The following ADGRL2 variants were observed in gnomAD, a reference collection of about 807,000 sequenced individuals.
The protein encoded by ADGRL2 is calcium-independent alpha-latrotoxin receptor 2.
In ADGRL2, 44 loss-of-function variants were observed where a neutral mutation model predicts 157.4. The ratio of observed to expected loss-of-function variants is 0.28; its 90% confidence interval spans 0.22 to 0.36. ADGRL2 has a LOEUF of 0.36. ADGRL2 is among the 10% of genes least tolerant of loss of function. The pLI, the probability that ADGRL2 is intolerant of heterozygous loss-of-function variation, is 1.00. For missense variants in ADGRL2, 1,510 were observed against 1,768.9 expected (o/e 0.85, Z 2.63); for synonymous variants, 585 against 624.7 (o/e 0.94, Z 0.95).
intron 3 of ADGRL2, 76 bp downstream of exon 3, chr1:81,907,306 C>T (rs947528311): frequency 3.2e-6 from 4 of 1,253,656 alleles, no homozygotes; most frequent in South Asian, 1.2e-5. Context: ...TATTCCAAAG[C>T]GAATGGATAT....
chr1:81,863,368 A>G (rs2093443061), intron 2 of ADGRL2, among the ~76,000 whole-genome samples: 1 of 152,188 alleles, frequency 6.6e-6, no homozygotes, highest in African/African-American at 2.4e-5. Context: ...TGCCTCCTAA[A>G]TACTGCATAA....
chr1:81,417,458 T>A (rs1342206354), intron 1 of ADGRL2, among the ~76,000 whole-genome samples: 1 of 152,188 alleles, frequency 6.6e-6, no homozygotes, highest in Non-Finnish European at 1.5e-5. Context: ...TTTTCATGAT[T>A]TTAGAGAATA....
intron 3 of ADGRL2, among the ~76,000 whole-genome samples, chr1:81,646,142 T>C (rs1293917359): frequency 4.6e-5 from 7 of 152,184 alleles, no homozygotes; most frequent in Non-Finnish European, 1.5e-5. Context: ...TTGTTTGTTT[T>C]CAGTGCTCTT....
chr1:81,865,232 G>A (rs1170056228), intron 2 of ADGRL2, among the ~76,000 whole-genome samples: 1 of 152,052 alleles, frequency 6.6e-6, no homozygotes, highest in African/African-American at 2.4e-5. Flanking sequence ...AGTTCTAACT[G>A]TTGACAAAGC....
At chr1:81,470,733 G>A (rs959189091) in intron 2 of ADGRL2, among the ~76,000 whole-genome samples, 2 of 152,194 alleles carry the variant, frequency 1.3e-5, no homozygotes, top group African/African-American at 4.8e-5. Context: ...AGTCCTGGAT[G>A]TAGAAACAAG....
chr1:81,905,102 T>C (rs1260391001), intron 2 of ADGRL2, among the ~76,000 whole-genome samples: 13 of 151,370 alleles, frequency 8.6e-5, no homozygotes, highest in Non-Finnish European at 1.6e-4. Context: ...TACTATACTT[T>C]TTTTTTTTTT....
intron 2 of ADGRL2, among the ~76,000 whole-genome samples, chr1:81,477,634 G>T (rs1225063550): frequency 6.6e-6 from 1 of 152,170 alleles, no homozygotes; most frequent in African/African-American, 2.4e-5. Context: ...TAGCTCTTCA[G>T]TAGTTAGTTT....
intron 11 of ADGRL2, among the ~76,000 whole-genome samples, chr1:81,957,199 A>C (rs950903539): frequency 6.8e-6 from 1 of 147,598 alleles, no homozygotes; most frequent in African/African-American, 2.5e-5. Context: ...AAAAAAAACC[A>C]CTAAAATTCC....
At chr1:81,371,170 G>A (rs1011454957) in intron 1 of ADGRL2, among the ~76,000 whole-genome samples, 2 of 152,140 alleles carry the variant, frequency 1.3e-5, no homozygotes, top group Non-Finnish European at 2.9e-5. Context: ...CATTACATTA[G>A]CCAAGGCTAC....
intron 1 of ADGRL2, among the ~76,000 whole-genome samples, chr1:81,742,209 G>A (rs919386268): frequency 6.6e-6 from 1 of 151,658 alleles, no homozygotes; most frequent in African/African-American, 2.4e-5. Flanking sequence ...CTAGTTCGTT[G>A]GGCATAAAAG....
intron 1 of ADGRL2, among the ~76,000 whole-genome samples, chr1:81,425,933 C>G (rs1362572145): frequency 1.3e-5 from 2 of 152,128 alleles, no homozygotes; most frequent in Non-Finnish European, 2.9e-5. Context: ...CAGATGCAAT[C>G]ATAGCTCACT....
chr1:81,936,855 A>AT lies in ADGRL2; in HGVS notation c.397+25dup. ...CCCTTACAGTAAGTATGCAGTTTAT[A>AT]TTTTTTTACACTTTGCCCAGCATTA... is the stretch of plus-strand genomic sequence containing the variant. On this transcript the variant is annotated intron_variant, in intron 4 of 23. Coordinates refer to ENST00000686636, the MANE Select transcript of ADGRL2 (RefSeq NM_001366006.2). 6.9e-7 allele frequency: 1 copy of AT among 1,443,512 alleles called. No homozygotes were observed. Among genetic ancestry groups the AT allele is most frequent in the Non-Finnish European group, 9.8e-7 (1 of 1,025,588 alleles). 89.4% of individuals were successfully genotyped at this position (1,443,512 alleles called of 1,614,324 possible). A position where few individuals can be genotyped will look rare whatever the true frequency, so the allele number is the denominator to read the frequency against.
At chr1:81,326,626 T>C (rs2100664337) in intron 1 of ADGRL2, among the ~76,000 whole-genome samples, 1 of 152,276 alleles carries the variant, frequency 6.6e-6, no homozygotes, top group Non-Finnish European at 1.5e-5. Context: ...AAAAAACACA[T>C]TAATTTGCTC....
At chr1:81,774,178 T>C (rs1484276405) in intron 2 of ADGRL2, among the ~76,000 whole-genome samples, 1 of 152,200 alleles carries the variant, frequency 6.6e-6, no homozygotes, top group East Asian at 1.9e-4. Context: ...TGTATTCACC[T>C]TACTCAGTAC....
At chr1:81,935,302 A>G (rs2095293862) in intron 3 of ADGRL2, among the ~76,000 whole-genome samples, 1 of 152,034 alleles carries the variant, frequency 6.6e-6, no homozygotes, top group Non-Finnish European at 1.5e-5. Context: ...AGTATATGGT[A>G]TATTTCTAAA....
chr1:81,361,672 T>G, intron 1 of ADGRL2, among the ~76,000 whole-genome samples: 1 of 151,966 alleles, frequency 6.6e-6, no homozygotes, highest in East Asian at 1.9e-4. Flanking sequence ...AATCTGATGC[T>G]TCCACTTTAA....
At chr1:81,356,571 A>C (rs1000180910) in intron 1 of ADGRL2, among the ~76,000 whole-genome samples, 1 of 152,138 alleles carries the variant, frequency 6.6e-6, no homozygotes, top group African/African-American at 2.4e-5. Flanking sequence ...TGCATTATGA[A>C]GTGATATGTA....
At chr1:81,515,247 A>T (rs756663891) in intron 2 of ADGRL2, 2 of 152,134 alleles carry the variant, frequency 1.3e-5, no homozygotes, top group Non-Finnish European at 2.9e-5. Flanking sequence ...CTGAAGCATC[A>T]GTGTCTTTGG....
At position 81,652,912 on chromosome 1, in the gene ADGRL2, C is replaced by T. The variant is rs537753576; in HGVS notation, c.-143+71932C>T. 5.3e-5 allele frequency among the ~76,000 whole-genome samples: 8 copies of T among 152,174 alleles called. No homozygotes were observed. In the South Asian group the frequency reaches 1.5e-3, roughly 28 times the overall value. On this transcript the variant is annotated intron_variant, in intron 3 of 24. Transcript: ENST00000370721. ...TTAAGTCTCTTTAAATCATATTCTC[C>T]TTCCAGCTCTTTCTCATTTTTTTAT...
Sources: gnomAD v4.1 joint callset for allele counts (sites outside exome capture counted in the v4.1 genomes callset) on GRCh38, gnomAD v4.1.1 for gene constraint, MANE v1.5 for transcripts, NCBI Gene and HGNC (gene_info 2026-07-23, HGNC 2026-07-21) for gene names.